The following ZNF280C variants were observed in gnomAD, a reference collection of about 807,000 sequenced individuals.
ZNF280C encodes zinc finger protein 280C.
Under a neutral mutation model 53.6 loss-of-function variants are expected in ZNF280C, and 14 were observed. That is an observed-to-expected ratio of 0.26 (90% CI 0.17 to 0.41). The LOEUF is 0.41. ZNF280C is among the 10% of genes least tolerant of loss of function. The pLI, the probability that ZNF280C is intolerant of heterozygous loss-of-function variation, is 1.00. For synonymous variants in ZNF280C, 203 were observed against 181.1 expected (o/e 1.12, Z -0.97); for missense variants, 416 against 547.1 (o/e 0.76, Z 2.39).
intron 16 of ZNF280C, among the ~76,000 whole-genome samples, chrX:130,205,635 T>C (rs1024874695): frequency 2.7e-5 from 3 of 110,081 alleles, no homozygotes; most frequent in Non-Finnish European, 5.7e-5. Context: ...TCCCAGCACT[T>C]TGGGAGGCAG....
intron 2 of ZNF280C, among the ~76,000 whole-genome samples, chrX:130,254,977 T>A (rs1240575004): frequency 9.2e-6 from 1 of 108,168 alleles, no homozygotes; most frequent in Non-Finnish European, 1.9e-5. Flanking sequence ...ATAAACATCT[T>A]TAGACAGATA....
chrX:130,206,507 C>T (rs1228747010), intron 16 of ZNF280C, among the ~76,000 whole-genome samples: 1 of 109,259 alleles, frequency 9.2e-6, no homozygotes, highest in Non-Finnish European at 1.9e-5. Context: ...GCTGGGACTA[C>T]AGGCGCCTGC....
rs998125895 is a variant in ZNF280C at position 130,268,232 on chromosome X, T to C, written c.-17+530A>G. On this transcript the variant is annotated intron_variant, in intron 1 of 18. Coordinates refer to ENST00000370978, the MANE Select transcript of ZNF280C (RefSeq NM_017666.5). ...GAAGTCCCTTTGGCCAGAACAAGGT[T>C]GTGGGCATGGAATGACCGGTCCTGT... Among the ~76,000 whole-genome samples, 42 of 111,422 alleles carry C rather than the reference T, an allele frequency of 3.8e-4. 1 individual carries two copies. The highest frequency in any genetic ancestry group is 3.2e-3 in the Admixed American group (34 of 10,570).
At position 130,204,890 on chromosome X, in the gene ZNF280C, TTG is replaced by T. The variant is rs777293566; in HGVS notation, c.*85_*86del. ...ATAAACTTGGCTGTTTAACTGCCCT[TTG>T]TGTGAGAAAATACTTCAGAACTTTG... On this transcript the variant is annotated 3_prime_UTR_variant, in exon 19 of 19. Transcript: ENST00000370978. The T allele has an allele frequency of 4.7e-3, 4,293 of 916,364 alleles. 9 individuals are homozygous for T. Among genetic ancestry groups the T allele is most frequent in the Non-Finnish European group, 5.4e-3 (3,714 of 693,108 alleles). 75.5% of individuals were successfully genotyped at this position (916,364 alleles called of 1,213,427 possible).
Position 130,215,811 on chromosome X carries a change from G to C in ZNF280C, c.1818C>G (p.Ser606Arg). Reference sequence around the variant, plus strand: ...ATTACCTTATGTTCTTCAAAGCAAGGCTCATTTTATTTTTTCTGTTGCGCT... The same window carrying C: ...ATTACCTTATGTTCTTCAAAGCAAGCCTCATTTTATTTTTTCTGTTGCGCT... ...KRQRNRKNKM[S>R]LALKNIRCRR... is the part of the protein sequence containing the mutation. Residue 606 changes from serine (S) to arginine (R), a missense_variant, in exon 14 of 19, where the codon AGC becomes AGG. By Grantham distance (110) the Ser-to-Arg change is moderately radical. This residue lies in a region of ZNF280C where 151 missense variants were observed against 176.9 expected (regional missense o/e 0.85). Transcript: ENST00000370978. The C allele has an allele frequency of 8.3e-7, 1 of 1,205,142 alleles. No individual in the cohort carries two copies. Among genetic ancestry groups the C allele is most frequent in the South Asian group, 1.8e-5 (1 of 55,355 alleles).
At chrX:130,240,034 A>G (rs1030208379) in intron 5 of ZNF280C, among the ~76,000 whole-genome samples, 1 of 111,830 alleles carries the variant, frequency 8.9e-6, no homozygotes, top group African/African-American at 3.2e-5. Flanking sequence ...AAAAGTTCAT[A>G]TTCTTTGGTC....
At chrX:130,221,186 G>T (rs1381271239) in intron 12 of ZNF280C, among the ~76,000 whole-genome samples, 1 of 111,476 alleles carries the variant, frequency 9.0e-6, no homozygotes, top group Non-Finnish European at 1.9e-5. Context: ...ATTTTAGTTT[G>T]ATCTTCAGAC....
At chrX:130,246,508 C>A (rs780726025) in intron 3 of ZNF280C, among the ~76,000 whole-genome samples, 8 of 112,032 alleles carry the variant, frequency 7.1e-5, no homozygotes, top group Non-Finnish European at 1.1e-4. Flanking sequence ...TTCTGTAAAT[C>A]TGAGTTTAAG....
chrX:130,218,558 T>A (rs946769630), intron 13 of ZNF280C, among the ~76,000 whole-genome samples: 1 of 112,588 alleles, frequency 8.9e-6, no homozygotes, highest in Non-Finnish European at 1.9e-5. Context: ...AAGAACAGCT[T>A]CTATGAAGTC....
In ZNF280C at chrX:130,248,005, T is replaced by C. The variant is rs149502061; in HGVS notation, c.32-1000A>G. Reference sequence around the variant, plus strand: ...AGCATTTTAGTGCCTCACTCTTAAATATGGGTGGACAACCAATGCGTACCA... The same window carrying C: ...AGCATTTTAGTGCCTCACTCTTAAACATGGGTGGACAACCAATGCGTACCA... On this transcript the variant is annotated intron_variant, in intron 2 of 18. Coordinates refer to ENST00000370978, the MANE Select transcript of ZNF280C (RefSeq NM_017666.5). Among the ~76,000 whole-genome samples the C allele has an allele frequency of 1.2e-3, 125 of 106,800 alleles. 1 individual carries two copies. The South Asian group carries it at 0.012, about 10-fold the overall frequency. 92.7% of individuals were successfully genotyped at this position (106,800 alleles called of 115,157 possible).
chrX:130,215,685 G>T, intron 14 of ZNF280C, 106 bp downstream of exon 14: 1 of 801,275 alleles, frequency 1.2e-6, no homozygotes, highest in Non-Finnish European at 1.7e-6. Flanking sequence ...TGGTCTTTAT[G>T]CCAGATAAGT....
chrX:130,268,073 T>C (rs1393864010), intron 1 of ZNF280C, among the ~76,000 whole-genome samples: 1 of 111,987 alleles, frequency 8.9e-6, no homozygotes, highest in African/African-American at 3.3e-5. Flanking sequence ...CTCAGCATAA[T>C]TTTTTCCATC....
chrX:130,258,435 A>G (rs1421795566), intron 2 of ZNF280C, among the ~76,000 whole-genome samples: 2 of 112,004 alleles, frequency 1.8e-5, no homozygotes, highest in African/African-American at 6.5e-5. Flanking sequence ...AATTGGTTCC[A>G]TTCTTTTAAA....
At position 130,257,198 on chromosome X, in the gene ZNF280C, C is replaced by CAA. The variant is rs35374607; in HGVS notation, c.31+3219_31+3220dup. Among the ~76,000 whole-genome samples the CAA allele has an allele frequency of 6.4e-4, 27 of 41,942 alleles. No homozygotes were observed. In the South Asian group the frequency reaches 0.014, roughly 22 times the overall value. The allele number at this position is 41,942 out of a possible 115,157, so 36.4% of individuals were successfully genotyped here. ...CCTGGGCAAGAGCGAGACTCTGTCT[C>CAA]AAAAAAAAAAAAAAAAAAAAAGGCT... On this transcript the variant is annotated intron_variant, in intron 2 of 18. Coordinates refer to ENST00000370978, the MANE Select transcript of ZNF280C (RefSeq NM_017666.5).
chrX:130,227,190 G>C (rs770285010), intron 11 of ZNF280C, among the ~76,000 whole-genome samples: 1 of 111,041 alleles, frequency 9.0e-6, no homozygotes, highest in East Asian at 2.8e-4. Flanking sequence ...GCCAAATATT[G>C]TTCTAAAAAG....
intron 15 of ZNF280C, among the ~76,000 whole-genome samples, chrX:130,210,270 T>G (rs2032026852): frequency 8.9e-6 from 1 of 112,353 alleles, no homozygotes; most frequent in South Asian, 3.7e-4. Context: ...ACCTTTATAT[T>G]TTCTAATGAC....
chrX:130,267,308 A>G (rs998889334), intron 1 of ZNF280C, among the ~76,000 whole-genome samples: 1 of 111,862 alleles, frequency 8.9e-6, no homozygotes, highest in African/African-American at 3.3e-5. Flanking sequence ...AAATAAAAAT[A>G]TAAAGGAAAA....
At chrX:130,237,908 C>T (rs936051692) in intron 6 of ZNF280C, among the ~76,000 whole-genome samples, 1 of 111,176 alleles carries the variant, frequency 9.0e-6, no homozygotes, top group Non-Finnish European at 1.9e-5. Context: ...GATTATATAA[C>T]CAGCTGGATA....
At chrX:130,213,968 T>G (rs759042727) in intron 15 of ZNF280C, among the ~76,000 whole-genome samples, 3 of 111,960 alleles carry the variant, frequency 2.7e-5, no homozygotes, top group Non-Finnish European at 5.6e-5. Context: ...TATACCTATT[T>G]CTTTTTTAAA....
Sources: gnomAD v4.1 joint callset for allele counts (sites outside exome capture counted in the v4.1 genomes callset) on GRCh38, gnomAD v4.1.1 for gene constraint, gnomAD v4.1.1 regional missense constraint, MANE v1.5 for transcripts, NCBI Gene and HGNC (gene_info 2026-07-23, HGNC 2026-07-21) for gene names.